MGME1: variants seen among roughly 807,000 people sequenced by gnomAD.
MGME1 encodes the protein mitochondrial genome maintenance exonuclease 1, also known as chromosome 20 open reading frame 72.
MGME1 carries 22 observed loss-of-function variants against 33.0 expected under a neutral mutation model. The observed-to-expected ratio is 0.67, with a 90% confidence interval of 0.48 to 0.95. The LOEUF (loss-of-function observed/expected upper bound fraction) is 0.95, where lower values mean the gene tolerates loss of function less well. Ranked by LOEUF, MGME1 falls within the 40% of genes least tolerant of loss-of-function variation. The pLI is 0.00. For missense variants in MGME1, 383 were observed against 397.8 expected, an observed-to-expected ratio of 0.96 and a Z score of 0.32; for synonymous variants, 133 against 144.0, an observed-to-expected ratio of 0.92 and a Z score of 0.55.
rs560563158 is a variant in MGME1, at chr20:17,990,611, G to A, written c.*502G>A. The A allele has an allele frequency of 1.3e-4, 20 of 158,344 alleles. No homozygotes were observed. The highest frequency in any genetic ancestry group is 4.6e-4 in the African/African-American group (19 of 41,658). 9.8% of individuals were successfully genotyped at this position (158,344 alleles called of 1,614,324 possible). On this transcript the variant is annotated 3_prime_UTR_variant, in exon 5 of 5. Coordinates refer to ENST00000377710, the MANE Select transcript of MGME1 (RefSeq NM_052865.4). ...GCCTAAAACTTGTTTCATACATTGG[G>A]GTTTTCTATATATTTCAGCTGGGAA...
chr20:17,976,644 G>GTTGTT (rs920710248), intron 3 of MGME1, among the ~76,000 whole-genome samples: 51 of 152,118 alleles, frequency 3.4e-4, no homozygotes, highest in African/African-American at 1.0e-3. Context: ...GCTTCCCATG[G>GTTGTT]TTGTTTTGTT....
rs796455688 is a variant in MGME1, at chr20:17,973,213, G to A, written c.512-2471G>A. ...TACAAAAAAATTAGCCGGGCGCAGC[G>A]ATCACTTGTAATCCCAGCTACTACG... is the stretch of plus-strand genomic sequence containing the variant. On this transcript the variant is annotated intron_variant, in intron 2 of 4. Transcript: ENST00000377710. Among the ~76,000 whole-genome samples, 15 of 152,112 alleles carry A rather than the reference G, an allele frequency of 9.9e-5. No homozygotes were observed. In the East Asian group the frequency reaches 1.4e-3, roughly 14 times the overall value.
chr20:17,969,675 G>A, intron 1 of MGME1, 126 bp from the exon 2 acceptor site: 1 of 570,674 alleles, frequency 1.8e-6, no homozygotes, highest in Non-Finnish European at 2.9e-6. Flanking sequence ...TTTGGAGGCA[G>A]GGTCTCGCTC....
rs587776944 is a variant in MGME1 at position 17,975,870 on chromosome 20, A to G, written c.698A>G (p.Tyr233Cys). ...GCTGTTCAACATGAAACCTTAAACT[A>G]TATAGGTCTGCTGGACTGTGTGGCT... is the stretch of plus-strand genomic sequence containing the variant. Reference protein sequence around the residue: ...ESAVQHETLNYIGLLDCVAEY... With the variant: ...ESAVQHETLNCIGLLDCVAEY... The change falls in exon 3 of 5, where the codon TAT becomes TGT. Residue 233 changes from tyrosine to cysteine, a missense_variant. Transcript: ENST00000377710. 14 of 1,614,078 alleles carry G rather than the reference A, an allele frequency of 8.7e-6. No individual in the cohort carries two copies. In the Admixed American group the frequency reaches 1.3e-4, roughly 15 times the overall value.
chr20:17,986,893 G>A (rs1035798747), intron 3 of MGME1, among the ~76,000 whole-genome samples: 1 of 151,314 alleles, frequency 6.6e-6, no homozygotes, highest in African/African-American at 2.4e-5. Context: ...AGTGTTCTGT[G>A]GCAGAAATAT....
At chr20:17,981,658 TG>T (rs2036023748) in intron 3 of MGME1, among the ~76,000 whole-genome samples, 1 of 146,834 alleles carries the variant, frequency 6.8e-6, no homozygotes, top group African/African-American at 2.6e-5. Context: ...CGTGTGTGTG[TG>T]TGTGTGTGTG....
chr20:17,989,526 G>C (rs1034924498), intron 4 of MGME1, among the ~76,000 whole-genome samples: 1 of 152,000 alleles, frequency 6.6e-6, no homozygotes, highest in Non-Finnish European at 1.5e-5. Flanking sequence ...ACCAGCCTGG[G>C]CAACGTGACA....
At chr20:17,974,061 G>GTTTTTTTTTTTT (rs34206000) in intron 2 of MGME1, among the ~76,000 whole-genome samples, 7 of 85,496 alleles carry the variant, frequency 8.2e-5, no homozygotes, top group South Asian at 4.2e-4. Flanking sequence ...CTCTTTGTGT[G>GTTTTTTTTTTTT]TTTTTTTTTT....
chr20:17,983,355 G>A lies in MGME1; in HGVS notation c.732-4811G>A, dbSNP rs372871010. Among the ~76,000 whole-genome samples, 43 of 150,862 alleles carry A rather than the reference G, an allele frequency of 2.9e-4. 1 individual carries two copies. The highest frequency in any genetic ancestry group is 1.0e-3 in the African/African-American group (41 of 40,866). On this transcript the variant is annotated intron_variant, in intron 3 of 4. Coordinates refer to ENST00000377710, the MANE Select transcript of MGME1 (RefSeq NM_052865.4). Reference sequence around the variant, plus strand: ...ATAGATGGACACTTAGGTTGTTTCCGCATCTTGGCCTTTGTAAATAATGCT... The same window carrying A: ...ATAGATGGACACTTAGGTTGTTTCCACATCTTGGCCTTTGTAAATAATGCT...
chr20:17,982,301 G>A (rs148242376), intron 3 of MGME1, among the ~76,000 whole-genome samples: 1 of 151,424 alleles, frequency 6.6e-6, no homozygotes, highest in African/African-American at 2.4e-5. Context: ...TTTGTTTTTA[G>A]TGGAGACAGG....
chr20:17,979,069 C>T (rs112083659), intron 3 of MGME1, among the ~76,000 whole-genome samples: 15,637 of 151,422 alleles, frequency 0.1, 863 homozygotes, highest in Non-Finnish European at 0.11. Flanking sequence ...TGAGCCACTG[C>T]ACCCAGCCTA....
rs896765809 is a variant in MGME1, at chr20:17,990,422, G to C, written c.*313G>C. 17 of 302,006 alleles carry C rather than the reference G, an allele frequency of 5.6e-5. No individual in the cohort carries two copies. The Admixed American group carries it at 7.9e-4, about 14-fold the overall frequency. The allele number at this position is 302,006 out of a possible 1,614,324, so 18.7% of individuals were successfully genotyped here. The stretch of plus-strand genomic sequence containing the variant: ...CCTTGAGGGACATTGGGGGGGGGGG[G>C]GCGTGGTCCCAGGCAGGATGCCCAG... On this transcript the variant is annotated 3_prime_UTR_variant, in exon 5 of 5. Coordinates refer to ENST00000377710, the MANE Select transcript of MGME1 (RefSeq NM_052865.4).
chr20:17,983,267 T>TTTGTGTGTGTGTGTGTG (rs79417227), intron 3 of MGME1, among the ~76,000 whole-genome samples: 8,649 of 142,506 alleles, frequency 0.061, 306 homozygotes, highest in Admixed American at 0.096. Context: ...TAGTGTTCTA[T>TTTGTGTGTGTGTGTGTG]TGTGTGTGTG....
intron 3 of MGME1, among the ~76,000 whole-genome samples, chr20:17,987,154 T>C (rs1330391407): frequency 1.5e-5 from 2 of 137,146 alleles, no homozygotes; most frequent in Non-Finnish European, 3.0e-5. Flanking sequence ...CACTCCAGCC[T>C]GAGTGAGACT....
At chr20:17,974,060 T>G (rs2035795485) in intron 2 of MGME1, among the ~76,000 whole-genome samples, 1 of 116,896 alleles carries the variant, frequency 8.6e-6, no homozygotes, top group African/African-American at 3.6e-5. Flanking sequence ...TCTCTTTGTG[T>G]GTTTTTTTTT....
At chr20:17,968,719 G>A (rs1568602486), upstream of MGME1, 1 of 441,850 alleles carries the variant, frequency 2.3e-6, no homozygotes, top group Middle Eastern at 6.2e-4. Flanking sequence ...GCTCCACGAG[G>A]AGGCCGCCAA....
At position 17,990,064 on chromosome 20, in the gene MGME1, A is replaced by C; in HGVS notation, c.990A>C (p.Glu330Asp). The C allele has an allele frequency of 3.7e-6, 6 of 1,614,146 alleles. No individual in the cohort carries two copies. The highest frequency in any genetic ancestry group is 5.1e-6 in the Non-Finnish European group (6 of 1,180,006). The change falls in exon 5 of 5, where the codon GAA (glutamate) becomes GAC (aspartate). Residue 330 changes from glutamate to aspartate, a missense_variant. Glu to Asp is a conservative substitution (Grantham distance 45). Transcript: ENST00000377710. ...KWLLRLEEYT[E>D]KKKNQNIQKP... is the part of the protein sequence containing the mutation. ...TTCTTCGACTAGAAGAATATACGGA[A>C]AAGAAAAAGAACCAGAATATTCAGA...
At chr20:17,976,067 C>T (rs1053554459) in intron 3 of MGME1, among the ~76,000 whole-genome samples, 164 bp downstream of exon 3, 2 of 152,108 alleles carry the variant, frequency 1.3e-5, no homozygotes, top group Admixed American at 1.3e-4. Context: ...AGGAGAAGAG[C>T]CACGTAACCT....
At chr20:17,976,236 G>C (rs1231284019) in intron 3 of MGME1, among the ~76,000 whole-genome samples, 1 of 152,116 alleles carries the variant, frequency 6.6e-6, no homozygotes, top group African/African-American at 2.4e-5. Context: ...CGGTTCTCCT[G>C]CCTCAGCCTC....
Sources: gnomAD v4.1 joint callset for allele counts (sites outside exome capture counted in the v4.1 genomes callset) on GRCh38, gnomAD v4.1.1 for gene constraint, MANE v1.5 for transcripts, NCBI Gene and HGNC (gene_info 2026-07-23, HGNC 2026-07-21) for gene names.